Variants in KLHL25 observed in about 807,000 individuals in gnomAD.
KLHL25 encodes kelch-like protein 25.
KLHL25 carries 41 observed loss-of-function variants against 30.0 expected under a neutral mutation model. The ratio of observed to expected loss-of-function variants is 1.37; its 90% CI spans 1.07 to 1.78. The LOEUF is 1.78. Among genes scored for constraint, KLHL25 ranks in the 40% most tolerant of loss-of-function variants. KLHL25 has a pLI of 0.00. For missense variants in KLHL25, 971 were observed against 824.5 expected (o/e 1.18, Z -2.18); for synonymous variants, 399 against 355.3 (o/e 1.12, Z -1.38).
Position 85,789,797 on chromosome 15 carries a change from A to G in KLHL25, c.-11+4969T>C, listed in dbSNP as rs928954807. Among the ~76,000 whole-genome samples, 2 of 152,124 alleles carry G rather than the reference A, an allele frequency of 1.3e-5. No homozygotes were observed. Among genetic ancestry groups the G allele is most frequent in the African/African-American group, 4.8e-5 (2 of 41,428 alleles). On this transcript the variant is annotated intron_variant, in intron 1 of 2. Coordinates refer to ENST00000337975, the MANE Select transcript of KLHL25 (RefSeq NM_022480.4). The surrounding 1 kb of genome is among the most constrained non-coding windows in gnomAD (Gnocchi z 4.1). ...AGCCCACGCCTGCTCCCCTAAGCCC[A>G]GCCTGGTGCTCCCCTGATGCAGTCT...
At position 85,759,423 on chromosome 15, in the gene KLHL25, T is replaced by C. The variant is rs2089563706; in HGVS notation, c.*1613A>G. On this transcript the variant is annotated 3_prime_UTR_variant, in exon 3 of 3. Transcript: ENST00000337975. ...CGTCCTTTGTGCTATGTGATAAGTG[T>C]GCTTTATCTCAATGAAGCAACCCCA... 3 of 152,546 alleles carry C rather than the reference T, an allele frequency of 2.0e-5. No individual in the cohort carries two copies. The highest frequency in any genetic ancestry group is 7.2e-5 in the African/African-American group (3 of 41,472). 9.4% of individuals were successfully genotyped at this position (152,546 alleles called of 1,614,324 possible). A position where few individuals can be genotyped will look rare whatever the true frequency, so the allele number is the denominator to read the frequency against.
At chr15:85,778,485 T>G (rs954031164) in intron 1 of KLHL25, among the ~76,000 whole-genome samples, 1 of 152,226 alleles carries the variant, frequency 6.6e-6, no homozygotes, top group African/African-American at 2.4e-5. Context: ...TTAACTCACC[T>G]CATCCCTACT....
chr15:85,768,191 G>C lies in KLHL25; in HGVS notation c.1620C>G (p.Leu540=), dbSNP rs780894910. ...SCHALASGNK[L]YVVGGYFGTQ... Reference sequence around the variant, plus strand: ...TCCCAAAGTAGCCCCCGACCACATAGAGCTTGTTGCCGGAAGCCAGGGCAT... The same window carrying C: ...TCCCAAAGTAGCCCCCGACCACATACAGCTTGTTGCCGGAAGCCAGGGCAT... The change falls in exon 2 of 3, where the codon CTC becomes CTG. Residue 540 remains leucine (L), a synonymous_variant. Coordinates refer to ENST00000337975, the MANE Select transcript of KLHL25 (RefSeq NM_022480.4). The C allele has an allele frequency of 9.9e-6, 16 of 1,614,218 alleles. No individual in the cohort carries two copies. The African/African-American group carries it at 1.6e-4, about 16-fold the overall frequency.
Position 85,768,481 on chromosome 15 carries a change from G to A in KLHL25, c.1330C>T (p.Leu444=). 1 of 1,613,676 alleles carries A rather than the reference G, an allele frequency of 6.2e-7. No homozygotes were observed. The change falls in exon 2 of 3, where the codon CTG becomes TTG. Residue 444 remains leucine (L), a synonymous_variant. Transcript: ENST00000337975. ...GTTCCTCCGAAAACAAAGAGCTTCA[G>A]CTTGGCACTCACCACTGCGGCATTG... The part of the protein sequence containing the change: ...VSNAAVVSAK[L]KLFVFGGTSI...
chr15:85,761,877 T>C (rs974016100), intron 2 of KLHL25: 1 of 152,226 alleles, frequency 6.6e-6, no homozygotes, highest in African/African-American at 2.4e-5. Flanking sequence ...TTAGTTTTAG[T>C]TGTGTAAGAA....
chr15:85,768,392 C>A lies in KLHL25; in HGVS notation c.1419G>T (p.Thr473=). The A allele has an allele frequency of 6.2e-7, 1 of 1,613,662 alleles. No homozygotes were observed. Among genetic ancestry groups the A allele is most frequent in the Non-Finnish European group, 8.5e-7 (1 of 1,179,984 alleles). Residue 473 remains threonine, a synonymous_variant, in exon 2 of 3, where the codon ACG becomes ACT. Transcript: ENST00000337975. ...QCYDPSENRW[T]IKAECPQPWR... is the part of the protein sequence containing the mutation. ...AAGGCTGGGGGCACTCGGCCTTGAT[C>A]GTCCACCTGTTCTCCGAGGGGTCAT...
chr15:85,767,404 T>G (rs1046927535), intron 2 of KLHL25, among the ~76,000 whole-genome samples: 1 of 152,162 alleles, frequency 6.6e-6, no homozygotes, highest in East Asian at 1.9e-4. Context: ...CCGGGCCTGG[T>G]TGGCAATCTT....
chr15:85,785,157 G>A (rs1429380319), intron 1 of KLHL25, among the ~76,000 whole-genome samples: 1 of 142,434 alleles, frequency 7.0e-6, no homozygotes, highest in Non-Finnish European at 1.5e-5. Context: ...GCAGTGGTGT[G>A]ATCTCGGCTC....
chr15:85,778,731 G>A (rs2089726235), intron 1 of KLHL25, among the ~76,000 whole-genome samples: 1 of 152,198 alleles, frequency 6.6e-6, no homozygotes, highest in South Asian at 2.1e-4. Flanking sequence ...ACAGAAGAGA[G>A]GTCTGTGGGG....
intron 1 of KLHL25, among the ~76,000 whole-genome samples, chr15:85,784,507 G>C (rs1041301752): frequency 4.0e-5 from 6 of 151,382 alleles, no homozygotes; most frequent in African/African-American, 1.2e-4. Flanking sequence ...CTCAGCCCAG[G>C]CAACAACAGC....
At chr15:85,792,238 T>TCCTCCCTCCTCCCCTGCA (rs1371464640) in intron 1 of KLHL25, among the ~76,000 whole-genome samples, 1 of 149,664 alleles carries the variant, frequency 6.7e-6, no homozygotes. Flanking sequence ...AAGTTCTCCC[T>TCCTCCCTCCTCCCCTGCA]CCTCCCTCCT....
Position 85,793,015 on chromosome 15 carries a change from A to G in KLHL25, c.-11+1751T>C, listed in dbSNP as rs1351279599. ...CAAACAATGAATCAATCAATCAATC[A>G]GTCACAAACCACCCACTAAATAACA... On this transcript the variant is annotated intron_variant, in intron 1 of 2. Coordinates refer to ENST00000337975, the MANE Select transcript of KLHL25 (RefSeq NM_022480.4). Among the ~76,000 whole-genome samples, 3 of 152,150 alleles carry G rather than the reference A, an allele frequency of 2.0e-5. No individual in the cohort carries two copies. In the East Asian group the frequency reaches 5.8e-4, roughly 29 times the overall value.
chr15:85,774,241 A>G (rs2089695659), intron 1 of KLHL25, among the ~76,000 whole-genome samples: 1 of 152,114 alleles, frequency 6.6e-6, no homozygotes, highest in African/African-American at 2.4e-5. Context: ...TCATGACCTA[A>G]GCGTCGTCCT....
At chr15:85,770,527 G>C (rs747741386) in intron 1 of KLHL25, 1 of 534,446 alleles carries the variant, frequency 1.9e-6, no homozygotes, top group South Asian at 1.4e-5. Context: ...GCTCAGTGGA[G>C]ACATGTTCTC....
intron 1 of KLHL25, among the ~76,000 whole-genome samples, chr15:85,773,528 G>T (rs1481454586): frequency 6.6e-6 from 1 of 152,250 alleles, no homozygotes; most frequent in East Asian, 1.9e-4. Context: ...GGCATCCCGG[G>T]GTGGGCACTG....
chr15:85,773,397 G>A (rs1363193741), intron 1 of KLHL25, among the ~76,000 whole-genome samples: 2 of 152,244 alleles, frequency 1.3e-5, no homozygotes, highest in South Asian at 2.1e-4. Flanking sequence ...AGGCGGCTGC[G>A]ACACCTGACA....
intron 1 of KLHL25, among the ~76,000 whole-genome samples, chr15:85,783,338 C>T (rs2089757437): frequency 6.6e-6 from 1 of 151,916 alleles, no homozygotes; most frequent in Admixed American, 6.5e-5. Flanking sequence ...AGGTGATCCA[C>T]CTGCCTTGGC....
chr15:85,765,828 C>CAA (rs35443769), intron 2 of KLHL25, among the ~76,000 whole-genome samples: 43,824 of 102,980 alleles, frequency 0.43, 7,908 homozygotes, highest in Middle Eastern at 0.62. Flanking sequence ...GAGACTGTCT[C>CAA]AAAAAAAAAA....
chr15:85,778,917 T>A (rs112908076), intron 1 of KLHL25, among the ~76,000 whole-genome samples: 1,611 of 152,230 alleles, frequency 0.011, 31 homozygotes, highest in African/African-American at 0.034. Context: ...CTGGTCCTAG[T>A]AGGGAGCAGC....
Sources: gnomAD v4.1 joint callset for allele counts (sites outside exome capture counted in the v4.1 genomes callset) on GRCh38, gnomAD v4.1.1 for gene constraint, Gnocchi (gnomAD v3.1) non-coding constraint, MANE v1.5 for transcripts, NCBI Gene and HGNC (gene_info 2026-07-23, HGNC 2026-07-21) for gene names.